Variants in SLC9A1 observed in about 807,000 individuals in gnomAD.
SLC9A1 encodes solute carrier family 9 member A1.
SLC9A1 carries 22 observed loss-of-function variants against 67.9 expected under a neutral mutation model. The observed-to-expected ratio is 0.32, with a 90% CI of 0.23 to 0.46. The LOEUF is 0.46. Among genes scored for constraint, SLC9A1 ranks in the 20% least tolerant of loss-of-function variants. The pLI is 1.00. For missense variants in SLC9A1, 686 were observed against 1,094.8 expected, an observed-to-expected ratio of 0.63 and a Z score of 5.27; for synonymous variants, 421 against 471.8, an observed-to-expected ratio of 0.89 and a Z score of 1.40.
Position 27,118,843 on chromosome 1 carries a change from C to A in SLC9A1, c.353-4557G>T, listed in dbSNP as rs2124163735. On this transcript the variant is annotated intron_variant, in intron 1 of 11. Coordinates refer to ENST00000263980, the MANE Select transcript of SLC9A1 (RefSeq NM_003047.5). The surrounding 1 kb of genome is among the most constrained non-coding windows in gnomAD (Gnocchi z 4.3). ...AGTTCTACCCCAGCAGTCTGTGACA[C>A]TCCAAGCCACACAGCCTTCTTCGAG... 6.6e-6 allele frequency among the ~76,000 whole-genome samples: 1 copy of A among 152,284 alleles called. No homozygotes were observed. Among genetic ancestry groups the A allele is most frequent in the Non-Finnish European group, 1.5e-5 (1 of 68,022 alleles).
chr1:27,127,190 A>C (rs2083351280), intron 1 of SLC9A1, among the ~76,000 whole-genome samples: 1 of 151,954 alleles, frequency 6.6e-6, no homozygotes, highest in Non-Finnish European at 1.5e-5. Flanking sequence ...TTGTAGAGAT[A>C]GGGGTTTTGC....
chr1:27,126,097 G>T (rs1039512951), intron 1 of SLC9A1, among the ~76,000 whole-genome samples: 1 of 152,086 alleles, frequency 6.6e-6, no homozygotes, highest in African/African-American at 2.4e-5. Flanking sequence ...CCCCATGTAG[G>T]TGAATGACAG....
At chr1:27,113,201 G>A (rs2083242676) in intron 2 of SLC9A1, among the ~76,000 whole-genome samples, 1 of 152,174 alleles carries the variant, frequency 6.6e-6, no homozygotes, top group Non-Finnish European at 1.5e-5. Flanking sequence ...GCTTAGGTCT[G>A]TAATCTCAGC....
At chr1:27,108,383 A>C (rs2083204962) in intron 3 of SLC9A1, among the ~76,000 whole-genome samples, 1 of 146,504 alleles carries the variant, frequency 6.8e-6, no homozygotes, top group African/African-American at 2.5e-5. Flanking sequence ...CCATTTTTAA[A>C]ATGAGTGATC....
chr1:27,128,083 G>T (rs1042608732), intron 1 of SLC9A1, among the ~76,000 whole-genome samples: 5 of 152,188 alleles, frequency 3.3e-5, no homozygotes, highest in African/African-American at 1.2e-4. Context: ...GTCCATGCCA[G>T]CAACTGTGGC....
intron 1 of SLC9A1, among the ~76,000 whole-genome samples, chr1:27,129,355 A>G (rs1450557743): frequency 1.3e-5 from 2 of 152,188 alleles, no homozygotes; most frequent in Non-Finnish European, 2.9e-5. Flanking sequence ...CACTGGGGAT[A>G]GTTTGTCACT....
In SLC9A1 at chr1:27,154,717, G is replaced by C. The variant is rs977712703; in HGVS notation, c.-383C>G. 5.9e-6 allele frequency: 1 copy of C among 170,478 alleles called. No individual in the cohort carries two copies. The highest frequency in any genetic ancestry group is 2.4e-5 in the African/African-American group (1 of 41,932). 10.6% of individuals were successfully genotyped at this position (170,478 alleles called of 1,614,324 possible). A position where few individuals can be genotyped will look rare whatever the true frequency, so the allele number is the denominator to read the frequency against. ...GGACCTTTGGCTGAGGAAAGTGACTGAGGAGCTGGGACTCTGGGCTGTGGG... is the reference window on the plus strand; with the variant it reads ...GGACCTTTGGCTGAGGAAAGTGACTCAGGAGCTGGGACTCTGGGCTGTGGG... On this transcript the variant is annotated 5_prime_UTR_variant, in exon 1 of 12. Coordinates refer to ENST00000263980, the MANE Select transcript of SLC9A1 (RefSeq NM_003047.5).
intron 1 of SLC9A1, among the ~76,000 whole-genome samples, chr1:27,120,694 C>T (rs1448779370): frequency 2.0e-5 from 3 of 151,932 alleles, no homozygotes; most frequent in Admixed American, 6.6e-5. Flanking sequence ...GCCGAGATCA[C>T]ACCATGGCAC....
At chr1:27,121,700 TTCC>T (rs2083305730) in intron 1 of SLC9A1, among the ~76,000 whole-genome samples, 1 of 152,146 alleles carries the variant, frequency 6.6e-6, no homozygotes, top group Non-Finnish European at 1.5e-5. Flanking sequence ...CCCTCTCTCC[TTCC>T]TTTCTCCTCT....
At position 27,148,101 on chromosome 1, in the gene SLC9A1, C is replaced by T. The variant is rs115890869; in HGVS notation, c.352+5882G>A. Reference sequence around the variant, plus strand: ...TGAGACTAGATCTCAGGTATCTTAACCTTTCACCCCATCCTACATGTTTTC... The same window carrying T: ...TGAGACTAGATCTCAGGTATCTTAATCTTTCACCCCATCCTACATGTTTTC... On this transcript the variant is annotated intron_variant, in intron 1 of 11. Transcript: ENST00000263980. 4.5e-3 allele frequency among the ~76,000 whole-genome samples: 689 copies of T among 152,252 alleles called. 5 individuals are homozygous for T. The highest frequency in any genetic ancestry group is 0.016 in the African/African-American group (654 of 41,556).
At chr1:27,133,225 G>A (rs1368587515) in intron 1 of SLC9A1, among the ~76,000 whole-genome samples, 2 of 151,934 alleles carry the variant, frequency 1.3e-5, no homozygotes, top group African/African-American at 2.4e-5. Context: ...GCACCACCAC[G>A]CCCGGCTAAT....
intron 6 of SLC9A1, 129 bp from the exon 7 acceptor site, chr1:27,102,872 C>T: frequency 1.2e-6 from 1 of 804,136 alleles, no homozygotes; most frequent in Non-Finnish European, 2.1e-6. Flanking sequence ...CATGAGCAGC[C>T]AGGAGGTGGC....
In SLC9A1 at chr1:27,101,207, G is replaced by A; in HGVS notation, c.2106C>T (p.Gly702=). Residue 702 remains glycine (G), a synonymous_variant, in exon 11 of 12, where the codon GGC becomes GGT. Transcript: ENST00000263980. This position sits in a 1 kb window ranked among gnomAD's most constrained non-coding sequence, Gnocchi z 4.9. ...GGCCCCTCGCCAGGCCCTTACCTGAGCCGATGCGGGCCCGAGACATGGTGG... is the reference window on the plus strand; with the variant it reads ...GGCCCCTCGCCAGGCCCTTACCTGAACCGATGCGGGCCCGAGACATGGTGG... ...DSPTMSRARI[G]SDPLAYEPKE... The A allele has an allele frequency of 6.2e-7, 1 of 1,610,168 alleles. No homozygotes were observed. The highest frequency in any genetic ancestry group is 8.5e-7 in the Non-Finnish European group (1 of 1,179,708).
chr1:27,107,593 CCCCCACACACA>C (rs2083197245), intron 4 of SLC9A1, 44 bp downstream of exon 4: 1 of 1,335,312 alleles, frequency 7.5e-7, no homozygotes, highest in South Asian at 1.3e-5. Context: ...AGCCCACCAC[CCCCCACACACA>C]CCCCACACCA....
chr1:27,102,825 C>A, intron 6 of SLC9A1, 82 bp from the exon 7 acceptor site: 1 of 1,240,972 alleles, frequency 8.1e-7, no homozygotes, highest in Non-Finnish European at 1.2e-6. Context: ...CACTCCCTCC[C>A]GTAGCTGCAG....
intron 1 of SLC9A1, among the ~76,000 whole-genome samples, chr1:27,151,398 T>C (rs1315413028): frequency 6.6e-6 from 1 of 152,214 alleles, no homozygotes; most frequent in East Asian, 1.9e-4. Flanking sequence ...TTCACTCTTG[T>C]TGCCCAGGCT....
At chr1:27,153,183 T>C (rs1182134657) in intron 1 of SLC9A1, among the ~76,000 whole-genome samples, 1 of 152,026 alleles carries the variant, frequency 6.6e-6, no homozygotes, top group African/African-American at 2.4e-5. Flanking sequence ...CCTCATCTAC[T>C]TGATTGAGCA....
At chr1:27,123,265 C>T (rs2083317272) in intron 1 of SLC9A1, among the ~76,000 whole-genome samples, 1 of 152,082 alleles carries the variant, frequency 6.6e-6, no homozygotes, top group African/African-American at 2.4e-5. Flanking sequence ...TCCCCCTTCC[C>T]TTTTACCAAC....
At chr1:27,102,310 C>G (rs954637978) in intron 8 of SLC9A1, 75 bp downstream of exon 8, 8 of 1,500,646 alleles carry the variant, frequency 5.3e-6, no homozygotes, top group Non-Finnish European at 7.2e-6. Flanking sequence ...CCCCGCCCCC[C>G]AGGTGGCCAC....
Sources: gnomAD v4.1 joint callset for allele counts (sites outside exome capture counted in the v4.1 genomes callset) on GRCh38, gnomAD v4.1.1 for gene constraint, Gnocchi (gnomAD v3.1) non-coding constraint, MANE v1.5 for transcripts, NCBI Gene and HGNC (gene_info 2026-07-23, HGNC 2026-07-21) for gene names.